The following HECA variants were observed in gnomAD, a reference collection of about 807,000 sequenced individuals.
HECA encodes HECA ribonucleoprotein granule regulator.
A neutral mutation model predicts 37.6 loss-of-function variants in HECA; 13 were observed. The observed-to-expected ratio is 0.35, with a 90% CI of 0.23 to 0.55. HECA has a LOEUF of 0.55. Ranked by LOEUF, HECA falls within the 20% of genes least tolerant of loss-of-function variation. The probability of loss-of-function intolerance (pLI) is 0.90; values close to 1 mark genes in which losing one functional copy is unlikely to be tolerated. For synonymous variants in HECA, 307 were observed against 291.5 expected (o/e 1.05, Z -0.54); for missense variants, 527 against 701.9 (o/e 0.75, Z 2.82).
chr6:139,160,900 A>T (rs1482899113), intron 1 of HECA, among the ~76,000 whole-genome samples: 1 of 152,220 alleles, frequency 6.6e-6, no homozygotes, highest in Non-Finnish European at 1.5e-5. Context: ...TGAGCTGAAT[A>T]GGGCAAGCAT....
intron 1 of HECA, among the ~76,000 whole-genome samples, chr6:139,147,417 G>T (rs955890738): frequency 6.6e-6 from 1 of 152,084 alleles, no homozygotes; most frequent in Non-Finnish European, 1.5e-5. Flanking sequence ...CTTGAGTCCA[G>T]GAGTTCGAAA....
At chr6:139,147,470 C>T (rs988966695) in intron 1 of HECA, among the ~76,000 whole-genome samples, 1 of 151,892 alleles carries the variant, frequency 6.6e-6, no homozygotes, top group Non-Finnish European at 1.5e-5. Context: ...TGCAAAAATA[C>T]AAAAATTAGC....
At chr6:139,168,718 G>A (rs1774930111) in intron 2 of HECA, among the ~76,000 whole-genome samples, 1 of 151,856 alleles carries the variant, frequency 6.6e-6, no homozygotes, top group South Asian at 2.1e-4. Flanking sequence ...TATTCTCTCA[G>A]CTTTTAGGAA....
chr6:139,170,388 C>G (rs1774955868), intron 2 of HECA: 1 of 152,130 alleles, frequency 6.6e-6, no homozygotes, highest in African/African-American at 2.4e-5. Context: ...GCTTAAAGTT[C>G]TAGTATCATA....
chr6:139,166,206 A>G, intron 1 of HECA, 78 bp from the exon 2 acceptor site: 13 of 1,153,926 alleles, frequency 1.1e-5, no homozygotes, highest in Non-Finnish European at 1.6e-5. Flanking sequence ...AAAACCTTAT[A>G]CCATACTGTT....
intron 2 of HECA, 148 bp downstream of exon 2, chr6:139,167,472 C>T (rs1449351629): frequency 3.7e-5 from 25 of 678,830 alleles, no homozygotes; most frequent in East Asian, 2.8e-4. Flanking sequence ...ATTTCAGCTT[C>T]GCCCAGTGAC....
chr6:139,174,614 G>A lies in HECA; in HGVS notation c.1467+75G>A, dbSNP rs142867794. The A allele has an allele frequency of 1.9e-4, 294 of 1,545,074 alleles. No individual in the cohort carries two copies. The African/African-American group carries it at 3.3e-3, about 18-fold the overall frequency. ...CCCCAAGTGAATGTAGGGAAGATGC[G>A]TCTGGCAATAAAGAAGAAATTCAGT... On this transcript the variant is annotated intron_variant, in intron 3 of 3. Transcript: ENST00000367658.
intron 1 of HECA, chr6:139,144,243 C>G (rs1446401726): frequency 6.6e-6 from 1 of 152,180 alleles, no homozygotes; most frequent in Non-Finnish European, 1.5e-5. Context: ...TCTCCTATGA[C>G]TGAGAAGTAC....
intron 1 of HECA, among the ~76,000 whole-genome samples, chr6:139,145,077 C>T (rs774457888): frequency 3.9e-5 from 6 of 152,066 alleles, no homozygotes; most frequent in Non-Finnish European, 8.8e-5. Flanking sequence ...TACTAATTAT[C>T]TTGGTTTGTC....
At chr6:139,155,828 T>G (rs1774704391) in intron 1 of HECA, 1 of 152,202 alleles carries the variant, frequency 6.6e-6, no homozygotes, top group Non-Finnish European at 1.5e-5. Flanking sequence ...ATATGCAAAT[T>G]GAATTATGCA....
intron 2 of HECA, chr6:139,170,382 A>G (rs992685950): frequency 5.3e-5 from 8 of 152,210 alleles, no homozygotes; most frequent in South Asian, 2.1e-4. Context: ...TACCAGGCTT[A>G]AAGTTCTAGT....
intron 3 of HECA, among the ~76,000 whole-genome samples, chr6:139,175,118 G>A (rs1280365970): frequency 6.6e-6 from 1 of 152,124 alleles, no homozygotes; most frequent in East Asian, 1.9e-4. Context: ...ATGCTATGAG[G>A]ACATCTGAAA....
At chr6:139,151,941 G>A (rs1358323555) in intron 1 of HECA, among the ~76,000 whole-genome samples, 1 of 152,194 alleles carries the variant, frequency 6.6e-6, no homozygotes, top group East Asian at 1.9e-4. Flanking sequence ...CCACTTACTA[G>A]CTGAATGGCC....
At chr6:139,160,847 AT>A (rs1774789505) in intron 1 of HECA, among the ~76,000 whole-genome samples, 1 of 152,234 alleles carries the variant, frequency 6.6e-6, no homozygotes, top group African/African-American at 2.4e-5. Context: ...ATAAGCAAAC[AT>A]TTTTATGAAA....
intron 1 of HECA, 88 bp downstream of exon 1, chr6:139,135,755 T>A: frequency 1.9e-6 from 1 of 519,918 alleles, no homozygotes; most frequent in Non-Finnish European, 2.5e-6. Flanking sequence ...GGGCGGTGCG[T>A]GGACAATGCG....
chr6:139,173,822 AAG>A (rs1285657526), intron 2 of HECA, among the ~76,000 whole-genome samples: 1 of 152,232 alleles, frequency 6.6e-6, no homozygotes, highest in Non-Finnish European at 1.5e-5. Context: ...AATTACGAGT[AAG>A]ATATAATTCT....
chr6:139,167,348 C>G (rs1163612303), intron 2 of HECA, 24 bp downstream of exon 2: 1 of 1,503,830 alleles, frequency 6.6e-7, no homozygotes, highest in Non-Finnish European at 9.1e-7. Flanking sequence ...TTCACCTTGC[C>G]TGCTTTCTGT....
chr6:139,161,607 GAC>G (rs895160821), intron 1 of HECA, among the ~76,000 whole-genome samples: 12 of 152,176 alleles, frequency 7.9e-5, no homozygotes, highest in African/African-American at 2.9e-4. Context: ...TTTTTGAAAA[GAC>G]ACAGAATTTT....
At chr6:139,150,591 AAT>A (rs35993836) in intron 1 of HECA, among the ~76,000 whole-genome samples, 14,287 of 150,246 alleles carry the variant, frequency 0.095, 973 homozygotes, top group Admixed American at 0.19. Context: ...ATTCATTTAG[AAT>A]ATATATATAT....
Sources: gnomAD v4.1 joint callset for allele counts (sites outside exome capture counted in the v4.1 genomes callset) on GRCh38, gnomAD v4.1.1 for gene constraint, MANE v1.5 for transcripts, NCBI Gene and HGNC (gene_info 2026-07-23, HGNC 2026-07-21) for gene names.